EBF2: variants seen among roughly 807,000 people sequenced by gnomAD.
EBF2 encodes EBF transcription factor 2.
EBF2 carries 21 observed loss-of-function variants against 72.8 expected under a neutral mutation model. That is an observed-to-expected ratio of 0.29 (90% CI 0.20 to 0.42). The LOEUF is 0.42. EBF2 is among the 10% of genes least tolerant of loss of function. The pLI, the probability that EBF2 is intolerant of heterozygous loss-of-function variation, is 1.00. For missense variants in EBF2, 637 were observed against 731.2 expected, an observed-to-expected ratio of 0.87 and a Z score of 1.49; for synonymous variants, 299 against 274.2, an observed-to-expected ratio of 1.09 and a Z score of -0.89.
rs766543990 is a variant in EBF2 at position 25,939,396 on chromosome 8, GTGTA to G, written c.552-30845_552-30842del. 6.6e-4 allele frequency among the ~76,000 whole-genome samples: 100 copies of G among 152,272 alleles called. 1 individual carries two copies. The highest frequency in any genetic ancestry group is 1.0e-3 in the Admixed American group (16 of 15,296). On this transcript the variant is annotated intron_variant, in intron 6 of 15. Coordinates refer to ENST00000520164, the MANE Select transcript of EBF2 (RefSeq NM_022659.4). ...TTACATATTGGGTCTCCGTGTGCGT[GTGTA>G]TGTGTGTGTGTTTTGCATTTGTGTT...
chr8:25,973,688 G>GT (rs1356547935), intron 6 of EBF2, among the ~76,000 whole-genome samples: 1 of 151,834 alleles, frequency 6.6e-6, no homozygotes, highest in Non-Finnish European at 1.5e-5. Context: ...TTTCTTTTTA[G>GT]TTTTTTGAGA....
intron 6 of EBF2, among the ~76,000 whole-genome samples, chr8:26,008,852 A>G (rs1203795597): frequency 4.6e-5 from 7 of 151,688 alleles, no homozygotes; most frequent in Admixed American, 4.6e-4. Context: ...AAAAAAAAAA[A>G]AAAAAAACAC....
At chr8:25,899,582 G>C (rs1802916289) in intron 7 of EBF2, among the ~76,000 whole-genome samples, 1 of 152,154 alleles carries the variant, frequency 6.6e-6, no homozygotes, top group Non-Finnish European at 1.5e-5. Context: ...TTTTATTTAA[G>C]GAAAATAGAT....
At chr8:25,972,561 A>G (rs1804207592) in intron 6 of EBF2, among the ~76,000 whole-genome samples, 1 of 152,092 alleles carries the variant, frequency 6.6e-6, no homozygotes, top group South Asian at 2.1e-4. Context: ...TATTTCATAG[A>G]CTGTCAGAGC....
At chr8:25,950,446 A>G (rs922321314) in intron 6 of EBF2, among the ~76,000 whole-genome samples, 1 of 152,238 alleles carries the variant, frequency 6.6e-6, no homozygotes, top group African/African-American at 2.4e-5. Context: ...AGGGGCCCTC[A>G]GAATCTAAAT....
At chr8:25,850,785 CATTTAGAA>C (rs1801951744) in intron 14 of EBF2, 24 bp from the exon 15 acceptor site, 2 of 1,543,850 alleles carry the variant, frequency 1.3e-6, no homozygotes, top group Non-Finnish European at 1.7e-6. Context: ...GCACAATCCT[CATTTAGAA>C]ATTAAGATCT....
At chr8:25,890,962 C>A (rs868259641) in intron 7 of EBF2, among the ~76,000 whole-genome samples, 2 of 152,224 alleles carry the variant, frequency 1.3e-5, no homozygotes, top group African/African-American at 4.8e-5. Context: ...AACTGCTTTG[C>A]CCATGCTGGG....
rs1585234410 is a variant in EBF2 at position 26,031,264 on chromosome 8, T to C, written c.551+1821A>G. Among the ~76,000 whole-genome samples, 4 of 152,038 alleles carry C rather than the reference T, an allele frequency of 2.6e-5. No individual in the cohort carries two copies. The South Asian group carries it at 8.3e-4, about 32-fold the overall frequency. On this transcript the variant is annotated intron_variant, in intron 6 of 15. Coordinates refer to ENST00000520164, the MANE Select transcript of EBF2 (RefSeq NM_022659.4). Reference sequence around the variant, plus strand: ...AAGGACAGGGTCTAGGCTGCTCTCATATGCATCCAGTCTCCCAGAGAATCC... The same window carrying C: ...AAGGACAGGGTCTAGGCTGCTCTCACATGCATCCAGTCTCCCAGAGAATCC...
intron 6 of EBF2, among the ~76,000 whole-genome samples, chr8:25,966,281 A>T (rs1414322911): frequency 6.6e-6 from 1 of 152,164 alleles, no homozygotes; most frequent in Non-Finnish European, 1.5e-5. Context: ...GAACAGGTGT[A>T]TTTGGCATAA....
At chr8:25,971,199 C>T (rs1804184000) in intron 6 of EBF2, among the ~76,000 whole-genome samples, 1 of 152,280 alleles carries the variant, frequency 6.6e-6, no homozygotes, top group Non-Finnish European at 1.5e-5. Context: ...TTCCAACACA[C>T]CTGGCTAATG....
chr8:26,027,579 A>G (rs976391055), intron 6 of EBF2, among the ~76,000 whole-genome samples: 1 of 22 alleles, frequency 0.045, no homozygotes, highest in Non-Finnish European at 0.071. Context: ...TTAAAAATGA[A>G]AATGTAATTA....
At chr8:25,976,800 T>C in intron 6 of EBF2, among the ~76,000 whole-genome samples, 1 of 152,012 alleles carries the variant, frequency 6.6e-6, no homozygotes, top group East Asian at 1.9e-4. Context: ...ACATGGACTC[T>C]TAAGCCTCTA....
Position 26,044,812 on chromosome 8 carries a change from C to A in EBF2, c.48G>T (p.Glu16Asp), listed in dbSNP as rs755079426. The A allele has an allele frequency of 1.2e-6, 2 of 1,614,222 alleles. No homozygotes were observed. The highest frequency in any genetic ancestry group is 2.2e-5 in the South Asian group (2 of 91,078). ...AATCCATCTCCGCGCCCAGCGATTT[C>A]TCTTTCAGAGTTGGTCCTCTTCCTA... ...DTLGRGPTLKEKSLGAEMDSV... is the reference protein window; with the variant it reads ...DTLGRGPTLKDKSLGAEMDSV... Residue 16 changes from glutamate (E) to aspartate (D), a missense_variant, in exon 1 of 16, where the codon GAG (glutamate) becomes GAT (aspartate). Around this residue, in one of 3 missense-constraint regions of EBF2, gnomAD observed 174 missense variants for 161.9 expected, o/e 1.07. Coordinates refer to ENST00000520164, the MANE Select transcript of EBF2 (RefSeq NM_022659.4). This position sits in a 1 kb window ranked among gnomAD's most constrained non-coding sequence, Gnocchi z 4.1.
chr8:25,899,951 A>G (rs1169701985), intron 7 of EBF2, among the ~76,000 whole-genome samples: 2 of 151,894 alleles, frequency 1.3e-5, no homozygotes, highest in Non-Finnish European at 2.9e-5. Flanking sequence ...CTTCTCTCCC[A>G]CACCGGGCGC....
At chr8:25,862,550 T>C (rs765734976) in intron 11 of EBF2, among the ~76,000 whole-genome samples, 159 bp downstream of exon 11, 1 of 152,194 alleles carries the variant, frequency 6.6e-6, no homozygotes, top group Non-Finnish European at 1.5e-5. Flanking sequence ...AAGACCATAA[T>C]ATATTTCATA....
At chr8:25,910,461 A>G (rs1487468733) in intron 6 of EBF2, among the ~76,000 whole-genome samples, 1 of 152,078 alleles carries the variant, frequency 6.6e-6, no homozygotes, top group African/African-American at 2.4e-5. Context: ...TTTTGCCACA[A>G]CTGTGCTCCT....
At chr8:25,993,594 G>A (rs1804578377) in intron 6 of EBF2, among the ~76,000 whole-genome samples, 1 of 152,110 alleles carries the variant, frequency 6.6e-6, no homozygotes, top group African/African-American at 2.4e-5. Context: ...GCTACACTCT[G>A]TCTCAAGCTA....
intron 14 of EBF2, among the ~76,000 whole-genome samples, chr8:25,853,465 C>G (rs113405943): frequency 6.6e-6 from 1 of 151,328 alleles, no homozygotes; most frequent in Non-Finnish European, 1.5e-5. Flanking sequence ...CTAATTAAAA[C>G]GGTAAAAAGA....
At chr8:26,027,747 TG>T (rs1344583918) in intron 6 of EBF2, among the ~76,000 whole-genome samples, 9 of 152,152 alleles carry the variant, frequency 5.9e-5, no homozygotes, top group Admixed American at 3.3e-4. Flanking sequence ...AAACAAAATG[TG>T]GTTCATCCAT....
Sources: gnomAD v4.1 joint callset for allele counts (sites outside exome capture counted in the v4.1 genomes callset) on GRCh38, gnomAD v4.1.1 for gene constraint, gnomAD v4.1.1 regional missense constraint, Gnocchi (gnomAD v3.1) non-coding constraint, MANE v1.5 for transcripts, NCBI Gene and HGNC (gene_info 2026-07-23, HGNC 2026-07-21) for gene names.